MSRA: variants seen among roughly 807,000 people sequenced by gnomAD.
The protein encoded by MSRA is methionine sulfoxide reductase A, also known as mitochondrial peptide methionine sulfoxide reductase.
A neutral mutation model predicts 31.3 loss-of-function variants in MSRA; 54 were observed. The observed-to-expected ratio is 1.73, with a 90% confidence interval of 1.39 to 2.17. The LOEUF is 2.17. MSRA is among the 30% of genes most tolerant of loss of function. MSRA has a pLI of 0.00. For synonymous variants in MSRA, 169 were observed against 116.5 expected (o/e 1.45, Z -2.90); for missense variants, 507 against 300.9 (o/e 1.69, Z -5.07).
intron 5 of MSRA, among the ~76,000 whole-genome samples, chr8:10,363,015 CAT>C (rs1804942816): frequency 6.6e-6 from 1 of 152,204 alleles, no homozygotes; most frequent in Admixed American, 6.5e-5. Flanking sequence ...TAAGAACACT[CAT>C]AAGAAATGTA....
intron 1 of MSRA, among the ~76,000 whole-genome samples, chr8:10,072,164 G>T (rs181097012): frequency 5.3e-5 from 8 of 152,130 alleles, no homozygotes; most frequent in Non-Finnish European, 1.2e-4. Context: ...TGAGAGATAC[G>T]TATTCCACAC....
chr8:10,190,897 G>A (rs1463588057), intron 1 of MSRA, among the ~76,000 whole-genome samples: 2 of 152,018 alleles, frequency 1.3e-5, no homozygotes, highest in Non-Finnish European at 2.9e-5. Flanking sequence ...TCTAAAATGA[G>A]GAAGAGGGAG....
chr8:10,101,489 G>A (rs1047625715), intron 1 of MSRA, among the ~76,000 whole-genome samples: 4 of 152,010 alleles, frequency 2.6e-5, no homozygotes, highest in Non-Finnish European at 4.4e-5. Flanking sequence ...TTTTCATCTT[G>A]CAAAACCAAA....
At chr8:10,185,663 G>T (rs1185569121) in intron 1 of MSRA, among the ~76,000 whole-genome samples, 1 of 152,202 alleles carries the variant, frequency 6.6e-6, no homozygotes, top group Non-Finnish European at 1.5e-5. Flanking sequence ...ATCTTCAAGA[G>T]CCAGGCCCTG....
At chr8:10,423,142 C>T (rs1340611786) in intron 5 of MSRA, among the ~76,000 whole-genome samples, 3 of 152,148 alleles carry the variant, frequency 2.0e-5, no homozygotes, top group African/African-American at 4.8e-5. Flanking sequence ...TCCCCATGGA[C>T]GACGGGAGAG....
At position 10,326,165 on chromosome 8, in the gene MSRA, A is replaced by G. The variant is rs371116453; in HGVS notation, c.543+6176A>G. Among the ~76,000 whole-genome samples, 249 of 152,282 alleles carry G rather than the reference A, an allele frequency of 1.6e-3. 2 individuals carry two copies. The highest frequency in any genetic ancestry group is 5.7e-3 in the African/African-American group (235 of 41,560). The stretch of plus-strand genomic sequence containing the variant: ...GGTTACTAATTTAATAGTCTTCTTC[A>G]CTAGCCTGCTCCCAGTGACCCCCTA... On this transcript the variant is annotated intron_variant, in intron 5 of 5. Transcript: ENST00000317173.
rs57107149 is a variant in MSRA, at chr8:10,121,505, A to G, written c.142+66847A>G. Reference sequence around the variant, plus strand: ...GGGATTTTGTGGGGGCAGGTGTGGCAGGGGTTTAAGGGGAAACGAGAGTTG... The same window carrying G: ...GGGATTTTGTGGGGGCAGGTGTGGCGGGGGTTTAAGGGGAAACGAGAGTTG... On this transcript the variant is annotated intron_variant, in intron 1 of 5. Transcript: ENST00000317173. Among the ~76,000 whole-genome samples, 118 of 152,320 alleles carry G rather than the reference A, an allele frequency of 7.7e-4. 1 individual carries two copies. Among genetic ancestry groups the G allele is most frequent in the African/African-American group, 2.5e-3 (102 of 41,576 alleles).
Position 10,301,626 on chromosome 8 carries a change from G to C in MSRA, c.424G>C (p.Asp142His), listed in dbSNP as rs371090925. 146 of 1,613,720 alleles carry C rather than the reference G, an allele frequency of 9.0e-5. No individual in the cohort carries two copies. The East Asian group carries it at 1.2e-3, about 13-fold the overall frequency. The change falls in exon 4 of 6, where the codon GAC becomes CAC. Residue 142 changes from aspartate (D) to histidine (H), a missense_variant. Transcript: ENST00000317173. ...GCTCAAGGTCTTCTGGGAGAATCAC[G>C]ACCCGACCCAAGGTAGAGTGATGAG... is the stretch of plus-strand genomic sequence containing the variant. ...ELLKVFWENHDPTQGMRQGND... is the reference protein window; with the variant it reads ...ELLKVFWENHHPTQGMRQGND...
chr8:10,198,184 TA>T (rs1482807009), intron 1 of MSRA, among the ~76,000 whole-genome samples: 5 of 152,146 alleles, frequency 3.3e-5, no homozygotes, highest in African/African-American at 1.2e-4. Flanking sequence ...TGGGAATAAA[TA>T]AAAGTATAAA....
Position 10,213,936 on chromosome 8 carries a change from G to T in MSRA, c.211+6035G>T, listed in dbSNP as rs192290365. 2.0e-5 allele frequency among the ~76,000 whole-genome samples: 3 copies of T among 152,244 alleles called. No homozygotes were observed. The East Asian group carries it at 5.8e-4, about 30-fold the overall frequency. On this transcript the variant is annotated intron_variant, in intron 2 of 5. Transcript: ENST00000317173. Reference sequence around the variant, plus strand: ...GGTGAAAGGTAAGATTCTGCAGTGAGAAACCTTAATGTTGATAAATTGATA... The same window carrying T: ...GGTGAAAGGTAAGATTCTGCAGTGATAAACCTTAATGTTGATAAATTGATA...
At chr8:10,397,301 C>G (rs1405867147) in intron 5 of MSRA, among the ~76,000 whole-genome samples, 3 of 152,152 alleles carry the variant, frequency 2.0e-5, no homozygotes, top group Non-Finnish European at 2.9e-5. Flanking sequence ...CCTCAAAGGC[C>G]TTAGTATTGA....
chr8:10,170,276 G>A (rs1805483783), intron 1 of MSRA, among the ~76,000 whole-genome samples: 1 of 152,078 alleles, frequency 6.6e-6, no homozygotes, highest in African/African-American at 2.4e-5. Context: ...TCAGGAAGTG[G>A]GGCCTCGGGA....
At chr8:10,175,809 C>G (rs1242866664) in intron 1 of MSRA, among the ~76,000 whole-genome samples, 1 of 152,188 alleles carries the variant, frequency 6.6e-6, no homozygotes, top group Admixed American at 6.5e-5. Flanking sequence ...TTACTTTCTC[C>G]TTTTGTGTGG....
chr8:10,119,377 T>C (rs776733439), intron 1 of MSRA, among the ~76,000 whole-genome samples: 10 of 152,194 alleles, frequency 6.6e-5, no homozygotes, highest in Non-Finnish European at 1.3e-4. Context: ...TCACATTCCT[T>C]AGCATCTAGA....
At chr8:10,382,120 G>A (rs1348098742) in intron 5 of MSRA, among the ~76,000 whole-genome samples, 2 of 152,222 alleles carry the variant, frequency 1.3e-5, no homozygotes, top group African/African-American at 2.4e-5. Context: ...CCCAGTGACC[G>A]CTGGACTGGG....
intron 1 of MSRA, among the ~76,000 whole-genome samples, chr8:10,200,514 T>C (rs145459323): frequency 3.3e-4 from 50 of 152,228 alleles, no homozygotes; most frequent in Middle Eastern, 3.4e-3. Context: ...GCCTTGCTGC[T>C]CCTCATCACG....
chr8:10,332,604 C>G (rs1409498643), intron 5 of MSRA, among the ~76,000 whole-genome samples: 2 of 152,150 alleles, frequency 1.3e-5, no homozygotes, highest in Non-Finnish European at 2.9e-5. Flanking sequence ...GGGAGGCAGG[C>G]ACCCATATTT....
intron 1 of MSRA, among the ~76,000 whole-genome samples, chr8:10,103,103 T>G (rs1384612564): frequency 6.6e-6 from 1 of 152,360 alleles, no homozygotes; most frequent in Admixed American, 6.5e-5. Context: ...TTCTACTTTA[T>G]TAATTTAGAA....
At chr8:10,243,948 A>G (rs1316813613) in intron 2 of MSRA, among the ~76,000 whole-genome samples, 1 of 152,232 alleles carries the variant, frequency 6.6e-6, no homozygotes, top group Non-Finnish European at 1.5e-5. Flanking sequence ...TTTAGCAAAT[A>G]GAATATCTTT....
Sources: gnomAD v4.1 joint callset for allele counts (sites outside exome capture counted in the v4.1 genomes callset) on GRCh38, gnomAD v4.1.1 for gene constraint, MANE v1.5 for transcripts, NCBI Gene and HGNC (gene_info 2026-07-23, HGNC 2026-07-21) for gene names.